Variants in KCTD1 observed in about 807,000 individuals in gnomAD.
KCTD1 encodes BTB/POZ domain-containing protein KCTD1.
In KCTD1, 24 loss-of-function variants were observed where a neutral mutation model predicts 66.0. That is an observed-to-expected ratio of 0.36 (90% CI 0.26 to 0.51). The LOEUF is 0.51. Ranked by LOEUF, KCTD1 falls within the 20% of genes least tolerant of loss-of-function variation. The probability of loss-of-function intolerance (pLI) is 0.95; values close to 1 mark genes in which losing one functional copy is unlikely to be tolerated. For missense variants in KCTD1, 943 were observed against 1,205.2 expected (o/e 0.78, Z 3.22); for synonymous variants, 511 against 517.2 (o/e 0.99, Z 0.16).
chr18:26,622,246 A>AG (rs1232080290), intron 1 of KCTD1, among the ~76,000 whole-genome samples: 1 of 152,214 alleles, frequency 6.6e-6, no homozygotes, highest in Non-Finnish European at 1.5e-5. Context: ...CGAGAGGAGC[A>AG]GAAGAGGAGG....
chr18:26,497,869 G>A (rs151136689), intron 2 of KCTD1, among the ~76,000 whole-genome samples: 11 of 152,306 alleles, frequency 7.2e-5, no homozygotes, highest in African/African-American at 1.9e-4. Context: ...AGGAGGAGAA[G>A]GTGCAGGCCA....
Position 26,620,419 on chromosome 18 carries a change from C to T in KCTD1, c.-16+8728G>A, listed in dbSNP as rs139427432. On this transcript the variant is annotated intron_variant, in intron 1 of 4. Coordinates refer to the KCTD1 transcript ENST00000317932. Reference sequence around the variant, plus strand: ...AGTTAGTCTGACACTTTTATGACAGCAATCAAAATTGCATTTTTTTTTTTT... The same window carrying T: ...AGTTAGTCTGACACTTTTATGACAGTAATCAAAATTGCATTTTTTTTTTTT... 6.9e-3 allele frequency among the ~76,000 whole-genome samples: 885 copies of T among 127,580 alleles called. 12 individuals carry two copies. The highest frequency in any genetic ancestry group is 0.011 in the Non-Finnish European group (708 of 62,422). 83.7% of individuals were successfully genotyped at this position (127,580 alleles called of 152,430 possible).
chr18:26,637,126 A>T (rs1206856728), intron 1 of KCTD1, among the ~76,000 whole-genome samples: 2 of 152,100 alleles, frequency 1.3e-5, no homozygotes, highest in Non-Finnish European at 2.9e-5. Context: ...CACTGTGCCT[A>T]GTTTTCAAAC....
intron 2 of KCTD1, among the ~76,000 whole-genome samples, chr18:26,499,178 T>G (rs1479086842): frequency 6.6e-6 from 1 of 152,212 alleles, no homozygotes; most frequent in Non-Finnish European, 1.5e-5. Flanking sequence ...CTTGCTACAG[T>G]TGAAGGTTTG....
chr18:26,643,915 T>C (rs1213394663), upstream of KCTD1, among the ~76,000 whole-genome samples: 2 of 151,578 alleles, frequency 1.3e-5, no homozygotes, highest in Non-Finnish European at 2.9e-5. Context: ...TGAGCTGAGA[T>C]AGCACCACTG....
chr18:26,540,258 T>A (rs1984913767), intron 1 of KCTD1, among the ~76,000 whole-genome samples: 1 of 152,228 alleles, frequency 6.6e-6, no homozygotes, highest in African/African-American at 2.4e-5. Context: ...GTCTCTGTCA[T>A]CCCTTAGCAT....
At chr18:26,640,339 T>A (rs1472040243) in exon 1 of KCTD1, 1 of 151,956 alleles carries the variant, frequency 6.6e-6, no homozygotes, top group African/African-American at 2.4e-5. Flanking sequence ...GTGAGGCAGG[T>A]GGTGGGGTAG....
chr18:26,554,439 A>G (rs994329258), intron 1 of KCTD1, among the ~76,000 whole-genome samples: 1 of 152,068 alleles, frequency 6.6e-6, no homozygotes, highest in African/African-American at 2.4e-5. Context: ...GGCCACCTAA[A>G]CACTGGTACA....
At position 26,507,701 on chromosome 18, in the gene KCTD1, C is replaced by T. The variant is rs1033611198; in HGVS notation, c.1810-6451G>A. Among the ~76,000 whole-genome samples, 2 of 147,654 alleles carry T rather than the reference C, an allele frequency of 1.4e-5. 1 individual carries two copies. Among genetic ancestry groups the T allele is most frequent in the Middle Eastern group, 6.9e-3 (2 of 288 alleles). On this transcript the variant is annotated intron_variant, in intron 1 of 4. Coordinates refer to ENST00000580059, the MANE Select transcript of KCTD1 (RefSeq NM_001142730.3). ...TTCTCCCTTCTTTACTGACACTATA[C>T]TTTTTTTTTTTTAAAAAAAGAATGA...
chr18:26,543,107 A>G lies in KCTD1; in HGVS notation c.1809+3621T>C, dbSNP rs1038439005. 3.3e-5 allele frequency: 5 copies of G among 152,262 alleles called. No homozygotes were observed. In the East Asian group the frequency reaches 9.6e-4, roughly 29 times the overall value. The allele number at this position is 152,262 out of a possible 1,614,324, so 9.4% of individuals were successfully genotyped here. A position where few individuals can be genotyped will look rare whatever the true frequency, so the allele number is the denominator to read the frequency against. ...ACAAAAGCCAAAACAGTAGGCGCTC[A>G]GTAACTACTTCCTGAATGAAGAAAG... On this transcript the variant is annotated intron_variant, in intron 1 of 4. Transcript: ENST00000580059.
chr18:26,479,475 T>C (rs1217230710), intron 2 of KCTD1, among the ~76,000 whole-genome samples: 2 of 152,108 alleles, frequency 1.3e-5, no homozygotes, highest in African/African-American at 4.8e-5. Flanking sequence ...TGGAAGGGGC[T>C]GAAAAACGCG....
upstream of KCTD1, among the ~76,000 whole-genome samples, chr18:26,551,820 T>C (rs1985577185): frequency 6.6e-6 from 1 of 152,256 alleles, no homozygotes; most frequent in African/African-American, 2.4e-5. Context: ...ATTATTTCTG[T>C]AGAGGCAATA....
At chr18:26,501,359 T>C (rs1160377285) in intron 1 of KCTD1, 109 bp from the exon 2 acceptor site, 3 of 991,804 alleles carry the variant, frequency 3.0e-6, no homozygotes, top group African/African-American at 3.3e-5. Flanking sequence ...CATTCAGTAA[T>C]AAAACCTGAA....
chr18:26,463,105 G>A (rs555315582), intron 3 of KCTD1, among the ~76,000 whole-genome samples: 2 of 152,296 alleles, frequency 1.3e-5, no homozygotes, highest in South Asian at 4.1e-4. Flanking sequence ...TCAAGAGTGT[G>A]CTAGATGCTA....
chr18:26,616,584 A>G (rs1265752595), intron 1 of KCTD1, among the ~76,000 whole-genome samples: 1 of 151,980 alleles, frequency 6.6e-6, no homozygotes, highest in Non-Finnish European at 1.5e-5. Flanking sequence ...CAGTGGCACA[A>G]TCATAGGTCA....
chr18:26,493,852 C>G (rs1430912985), intron 2 of KCTD1, among the ~76,000 whole-genome samples: 1 of 152,186 alleles, frequency 6.6e-6, no homozygotes, highest in Admixed American at 6.5e-5. Flanking sequence ...CCCTCCACCC[C>G]CAGCCCACTA....
intron 1 of KCTD1, among the ~76,000 whole-genome samples, chr18:26,613,955 C>T (rs1013293235): frequency 6.6e-6 from 1 of 152,164 alleles, no homozygotes; most frequent in Non-Finnish European, 1.5e-5. Flanking sequence ...CAAGGCCTTC[C>T]CTGCCCATCC....
chr18:26,569,981 G>C (rs990447038), intron 1 of KCTD1, among the ~76,000 whole-genome samples: 6 of 152,108 alleles, frequency 3.9e-5, no homozygotes, highest in African/African-American at 1.4e-4. Flanking sequence ...GAGGTCAGGA[G>C]TTCGAAACCA....
chr18:26,598,471 TACACACACACAC>T (rs4041522), intron 1 of KCTD1, among the ~76,000 whole-genome samples: 1 of 149,668 alleles, frequency 6.7e-6, no homozygotes, highest in Non-Finnish European at 1.5e-5. Flanking sequence ...TCTCTTTTTT[TACACACACACAC>T]ACACACACAC....
Sources: gnomAD v4.1 joint callset for allele counts (sites outside exome capture counted in the v4.1 genomes callset) on GRCh38, gnomAD v4.1.1 for gene constraint, MANE v1.5 for transcripts, NCBI Gene and HGNC (gene_info 2026-07-23, HGNC 2026-07-21) for gene names.